Variants in SUMF1 observed in about 807,000 individuals in gnomAD.
SUMF1 encodes formylglycine-generating enzyme.
In SUMF1, 48 loss-of-function variants were observed where a neutral mutation model predicts 47.6. The ratio of observed to expected loss-of-function variants is 1.01; its 90% CI spans 0.80 to 1.28. The LOEUF is 1.28. SUMF1 is among the 50% of genes most tolerant of loss of function. The probability of loss-of-function intolerance (pLI) is 0.00; values close to 1 mark genes in which losing one functional copy is unlikely to be tolerated. For missense variants in SUMF1, 571 were observed against 485.4 expected (o/e 1.18, Z -1.66); for synonymous variants, 230 against 192.1 (o/e 1.20, Z -1.63).
chr3:4,402,373 G>C lies in SUMF1; in HGVS notation c.954+8492C>G, dbSNP rs1179589509. ...CTGGTAGAGAACAGAGGTCACCAAG[G>C]CTCTACCTCAATCATATCCATAACA... On this transcript the variant is annotated intron_variant, in intron 7 of 8. Coordinates refer to ENST00000272902, the MANE Select transcript of SUMF1 (RefSeq NM_182760.4). Among the ~76,000 whole-genome samples, 3 of 152,266 alleles carry C rather than the reference G, an allele frequency of 2.0e-5. No homozygotes were observed. In the South Asian group the frequency reaches 6.2e-4, roughly 32 times the overall value.
chr3:4,303,287 G>C, intron 8 of SUMF1: 1 of 1,377,868 alleles, frequency 7.3e-7, no homozygotes, highest in South Asian at 1.6e-5. Context: ...CCCATGAGGC[G>C]GTGGGGCCAC....
chr3:4,045,878 A>G (rs539149346), intron 9 of SUMF1, among the ~76,000 whole-genome samples: 1 of 152,284 alleles, frequency 6.6e-6, no homozygotes, highest in African/African-American at 2.4e-5. Context: ...GAGCCTGGAC[A>G]TGACTGAGAT....
At chr3:4,427,264 C>T (rs1250314662) in intron 3 of SUMF1, among the ~76,000 whole-genome samples, 6 of 152,154 alleles carry the variant, frequency 3.9e-5, no homozygotes, top group Admixed American at 2.0e-4. Context: ...AAAAGATGGA[C>T]GTTTCTTGAA....
Position 4,040,672 on chromosome 3 carries a change from T to C in SUMF1, c.1191+27897A>G, listed in dbSNP as rs1043340302. Among the ~76,000 whole-genome samples the C allele has an allele frequency of 3.3e-5, 5 of 152,166 alleles. 1 individual carries two copies. Among genetic ancestry groups the C allele is most frequent in the Non-Finnish European group, 5.9e-5 (4 of 68,030 alleles). ...TGTCTGAGATTTGATTTAGCAGCAG[T>C]ATGTCACGTAAAACTAACAAATTGT... On this transcript the variant is annotated intron_variant and NMD_transcript_variant, in intron 9 of 12. Transcript: ENST00000448413.
chr3:4,119,402 C>T lies in SUMF1; in HGVS notation c.1015-50657G>A, dbSNP rs1471213259. Among the ~76,000 whole-genome samples the T allele has an allele frequency of 4.6e-5, 7 of 152,196 alleles. No homozygotes were observed. In the East Asian group the frequency reaches 1.3e-3, roughly 29 times the overall value. On this transcript the variant is annotated intron_variant and NMD_transcript_variant, in intron 8 of 12. Transcript: ENST00000448413. ...TTGCAGTTTGACTATGACCCATGTT[C>T]CAGACAATGTGCCTTAATATACACA... is the stretch of plus-strand genomic sequence containing the variant.
chr3:4,303,622 C>T (rs1055735358), intron 8 of SUMF1: 2 of 1,388,780 alleles, frequency 1.4e-6, no homozygotes, highest in South Asian at 1.6e-5. Context: ...CAGTCGCGAC[C>T]TTTTGTCTTC....
chr3:4,298,114 C>T (rs979563685), intron 8 of SUMF1, among the ~76,000 whole-genome samples: 4 of 152,080 alleles, frequency 2.6e-5, no homozygotes, highest in Admixed American at 1.3e-4. Flanking sequence ...TCTGAATAAT[C>T]AATGCAATAT....
Position 4,467,100 on chromosome 3 carries a change from G to T in SUMF1, c.146C>A (p.Ser49Tyr), listed in dbSNP as rs374724319. 1.2e-5 allele frequency: 19 copies of T among 1,562,570 alleles called. No homozygotes were observed. In the African/African-American group the frequency reaches 2.3e-4, roughly 19 times the overall value. The change falls in exon 1 of 9, where the codon TCT (serine) becomes TAT (tyrosine). Residue 49 changes from serine to tyrosine, a missense_variant. Physicochemically the swap from Ser to Tyr is moderately radical, Grantham distance 144 (BLOSUM62 -2). Transcript: ENST00000272902. Reference protein sequence around the residue: ...TGAGAGSLAGSCGCGTPQRPG... With the variant: ...TGAGAGSLAGYCGCGTPQRPG... ...CCGCTGGGGCGTGCCGCAGCCGCAA[G>T]AACCCGCAAGGGACCCCGCGCCCGC... is the stretch of plus-strand genomic sequence containing the variant.
chr3:4,355,701 C>T (rs1699603134), intron 8 of SUMF1, among the ~76,000 whole-genome samples: 1 of 152,188 alleles, frequency 6.6e-6, no homozygotes, highest in South Asian at 2.1e-4. Context: ...TCTTCCATTC[C>T]CCTCGGCAAA....
intron 8 of SUMF1, among the ~76,000 whole-genome samples, chr3:4,163,796 G>A (rs1694638193): frequency 1.3e-5 from 2 of 152,034 alleles, no homozygotes; most frequent in South Asian, 4.1e-4. Flanking sequence ...GTTTGAACCT[G>A]TTTCTTAATT....
At chr3:4,399,214 T>C (rs1290821148) in intron 7 of SUMF1, among the ~76,000 whole-genome samples, 1 of 152,192 alleles carries the variant, frequency 6.6e-6, no homozygotes, top group African/African-American at 2.4e-5. Context: ...CTCGTTTTGT[T>C]CACCCCAGAA....
Position 4,065,652 on chromosome 3 carries a change from C to T in SUMF1, c.1191+2917G>A, listed in dbSNP as rs979091733. Among the ~76,000 whole-genome samples, 3 of 151,512 alleles carry T rather than the reference C, an allele frequency of 2.0e-5. No homozygotes were observed. In the South Asian group the frequency reaches 6.2e-4, roughly 32 times the overall value. On this transcript the variant is annotated intron_variant and NMD_transcript_variant, in intron 9 of 12. Transcript: ENST00000448413. ...GAACTTGAAATTTAAAAGGATTTGG[C>T]AGAAAAAAAAAATTATCATTTTGAG... is the stretch of plus-strand genomic sequence containing the variant.
At chr3:4,107,371 T>G (rs757148438) in intron 8 of SUMF1, among the ~76,000 whole-genome samples, 1 of 152,088 alleles carries the variant, frequency 6.6e-6, no homozygotes, top group Non-Finnish European at 1.5e-5. Context: ...TATTTACTAT[T>G]CACAACACCC....
At chr3:4,035,651 A>G (rs113851469) in intron 9 of SUMF1, among the ~76,000 whole-genome samples, 2 of 152,304 alleles carry the variant, frequency 1.3e-5, no homozygotes, top group Admixed American at 6.5e-5. Flanking sequence ...TGATAGATAG[A>G]CAGAGACCAG....
At chr3:4,176,188 C>T (rs1363200013) in intron 8 of SUMF1, among the ~76,000 whole-genome samples, 1 of 152,082 alleles carries the variant, frequency 6.6e-6, no homozygotes, top group African/African-American at 2.4e-5. Context: ...ATACAGAGAA[C>T]ACCACAAAGA....
chr3:4,183,341 T>C (rs757772093), intron 8 of SUMF1, among the ~76,000 whole-genome samples: 9 of 152,174 alleles, frequency 5.9e-5, no homozygotes, highest in Non-Finnish European at 1.0e-4. Flanking sequence ...TGTATTAAAA[T>C]GTGAAGCTGT....
chr3:4,294,218 A>T (rs1257805321), intron 8 of SUMF1, among the ~76,000 whole-genome samples: 2 of 152,174 alleles, frequency 1.3e-5, no homozygotes, highest in Non-Finnish European at 2.9e-5. Context: ...AATCAAATTT[A>T]ATTAAAATTG....
chr3:4,406,481 C>G (rs1359741300), intron 7 of SUMF1, among the ~76,000 whole-genome samples: 2 of 152,034 alleles, frequency 1.3e-5, no homozygotes, highest in Non-Finnish European at 2.9e-5. Flanking sequence ...CATGGTAAAG[C>G]CCCGTCTCTA....
intron 8 of SUMF1, among the ~76,000 whole-genome samples, chr3:4,316,046 C>CAAAAA (rs774059331): frequency 2.6e-5 from 2 of 76,880 alleles, no homozygotes. Context: ...GACTCTGTCT[C>CAAAAA]AAAAAAAAAA....
Sources: gnomAD v4.1 joint callset for allele counts (sites outside exome capture counted in the v4.1 genomes callset) on GRCh38, gnomAD v4.1.1 for gene constraint, MANE v1.5 for transcripts, NCBI Gene and HGNC (gene_info 2026-07-23, HGNC 2026-07-21) for gene names.